The following RPRD2 variants were observed in gnomAD, a reference collection of about 807,000 sequenced individuals.
RPRD2 encodes the protein regulation of nuclear pre-mRNA domain containing 2, also known as regulation of nuclear pre-mRNA domain-containing protein 2.
RPRD2 carries 12 observed loss-of-function variants against 104.4 expected under a neutral mutation model. The observed-to-expected ratio is 0.11, with a 90% CI of 0.07 to 0.19. The LOEUF (loss-of-function observed/expected upper bound fraction) is 0.19, where lower values mean the gene tolerates loss of function less well. Among genes scored for constraint, RPRD2 ranks in the 10% least tolerant of loss-of-function variants. The pLI, the probability that RPRD2 is intolerant of heterozygous loss-of-function variation, is 1.00. For synonymous variants in RPRD2, 714 were observed against 684.9 expected (o/e 1.04, Z -0.66); for missense variants, 1,543 against 1,790.1 (o/e 0.86, Z 2.49).
At chr1:150,457,184 A>T in intron 7 of RPRD2, 104 bp from the exon 8 acceptor site, 1 of 1,092,592 alleles carries the variant, frequency 9.2e-7, no homozygotes, top group Non-Finnish European at 1.3e-6. Flanking sequence ...AGATTGTGCC[A>T]CTACACTCTA....
intron 1 of RPRD2, among the ~76,000 whole-genome samples, chr1:150,374,919 G>A (rs192558076): frequency 3.3e-5 from 5 of 151,882 alleles, no homozygotes; most frequent in South Asian, 2.1e-4. Flanking sequence ...CTTGGTTTAC[G>A]CTTAATGGCA....
chr1:150,433,439 A>ATTTTTTTT lies in RPRD2; in HGVS notation c.336-7468_336-7461dup, dbSNP rs58544799. 5.3e-4 allele frequency among the ~76,000 whole-genome samples: 48 copies of ATTTTTTTT among 90,386 alleles called. 3 individuals carry two copies. The highest frequency in any genetic ancestry group is 1.1e-3 in the African/African-American group (24 of 21,764). 59.3% of individuals were successfully genotyped at this position (90,386 alleles called of 152,430 possible). Reference sequence around the variant, plus strand: ...ATACACACACACACACACAGACATAATTTTTTTTTTTTTTTTTTTTTTTGA... The same window carrying ATTTTTTTT: ...ATACACACACACACACACAGACATAATTTTTTTTTTTTTTTTTTTTTTTTTTTTTTTGA... On this transcript the variant is annotated intron_variant, in intron 2 of 10. Coordinates refer to ENST00000369068, the MANE Select transcript of RPRD2 (RefSeq NM_015203.5).
Position 150,419,957 on chromosome 1 carries a change from CTG to C in RPRD2, c.335+2235_335+2236del, listed in dbSNP as rs149324318. Among the ~76,000 whole-genome samples the C allele has an allele frequency of 4.3e-3, 661 of 152,222 alleles. 5 individuals carry two copies. The highest frequency in any genetic ancestry group is 0.015 in the African/African-American group (624 of 41,556). ...TACCCTAATTTTAAGGAAGAAGAAA[CTG>C]TGGCTTGGAGAGATTAGGTAAATTG... is the stretch of plus-strand genomic sequence containing the variant. On this transcript the variant is annotated intron_variant, in intron 2 of 10. Coordinates refer to ENST00000369068, the MANE Select transcript of RPRD2 (RefSeq NM_015203.5).
intron 2 of RPRD2, among the ~76,000 whole-genome samples, chr1:150,418,077 C>G (rs1179785588): frequency 6.6e-6 from 1 of 152,082 alleles, no homozygotes; most frequent in Non-Finnish European, 1.5e-5. Flanking sequence ...AAGCAATTCT[C>G]TTGCCTCAGC....
intron 1 of RPRD2, among the ~76,000 whole-genome samples, chr1:150,389,308 G>A (rs898920531): frequency 1.3e-4 from 20 of 152,030 alleles, no homozygotes; most frequent in African/African-American, 4.1e-4. Flanking sequence ...CCTCGGCCTC[G>A]CAAAGTGCTG....
chr1:150,425,061 C>T (rs1362468809), intron 2 of RPRD2, among the ~76,000 whole-genome samples: 1 of 152,156 alleles, frequency 6.6e-6, no homozygotes, highest in Non-Finnish European at 1.5e-5. Flanking sequence ...TGAATTCTGG[C>T]TCTGTCACCT....
rs1339939927 is a variant in RPRD2 at position 150,374,184 on chromosome 1, TTTAA to T, written c.205+9273_205+9276del. ...TAAACTGAACACCAGTGGCCAGTGG[TTTAA>T]TTAATTATGCCTTCATAACGAAACT... On this transcript the variant is annotated intron_variant, in intron 1 of 10. Coordinates refer to ENST00000369068, the MANE Select transcript of RPRD2 (RefSeq NM_015203.5). Among the ~76,000 whole-genome samples the T allele has an allele frequency of 3.3e-5, 5 of 152,110 alleles. No homozygotes were observed. The East Asian group carries it at 9.6e-4, about 29-fold the overall frequency.
At chr1:150,398,185 A>T (rs587749205) in intron 1 of RPRD2, among the ~76,000 whole-genome samples, 3 of 42,622 alleles carry the variant, frequency 7.0e-5, no homozygotes, top group Non-Finnish European at 1.4e-4. Flanking sequence ...TTGTGTTTTT[A>T]TATTTATTTT....
intron 9 of RPRD2, among the ~76,000 whole-genome samples, chr1:150,462,724 T>C (rs1668020848): frequency 6.6e-6 from 1 of 151,992 alleles, no homozygotes; most frequent in Non-Finnish European, 1.5e-5. Context: ...CCCAGCTAAT[T>C]TTTTGTATTT....
rs771860223 is a variant in RPRD2, at chr1:150,474,336, TAAAG to T, written c.*1010_*1013del. 50 of 152,344 alleles carry T rather than the reference TAAAG, an allele frequency of 3.3e-4. No homozygotes were observed. The highest frequency in any genetic ancestry group is 9.1e-4 in the Admixed American group (14 of 15,308). 9.4% of individuals were successfully genotyped at this position (152,344 alleles called of 1,614,324 possible). A position where few individuals can be genotyped will look rare whatever the true frequency, so the allele number is the denominator to read the frequency against. The stretch of plus-strand genomic sequence containing the variant: ...GTGGTTTTCAACAAAGGTTAACTAT[TAAAG>T]AAAGAAATATTTGTCTTTATCTTCC... On this transcript the variant is annotated 3_prime_UTR_variant, in exon 11 of 11. Coordinates refer to ENST00000369068, the MANE Select transcript of RPRD2 (RefSeq NM_015203.5).
intron 7 of RPRD2, among the ~76,000 whole-genome samples, chr1:150,453,168 T>G (rs6687311): frequency 0.6 from 90,809 of 151,254 alleles, 27,774 homozygotes; most frequent in African/African-American, 0.65. Context: ...GAGTAGCTGG[T>G]ACTACAGGCG....
rs774595133 is a variant in RPRD2, at chr1:150,470,583, T to C, written c.1635T>C (p.Ser545=). 1.2e-6 allele frequency: 2 copies of C among 1,613,748 alleles called. No individual in the cohort carries two copies. Among genetic ancestry groups the C allele is most frequent in the African/African-American group, 2.7e-5 (2 of 74,914 alleles). Reference sequence around the variant, plus strand: ...CAGGCCTGTCATCTTTACTTCAGAGTGTTACTGGGAACCCAGTTCCAGCCA... The same window carrying C: ...CAGGCCTGTCATCTTTACTTCAGAGCGTTACTGGGAACCCAGTTCCAGCCA... ...ALQGLSSLLQ[S]VTGNPVPASE... The change falls in exon 11 of 11, where the codon AGT becomes AGC. Residue 545 remains serine, a synonymous_variant. Coordinates refer to ENST00000369068, the MANE Select transcript of RPRD2 (RefSeq NM_015203.5).
rs141090321 is a variant in RPRD2, at chr1:150,446,205, A to G, written c.695-21A>G. On this transcript the variant is annotated intron_variant, in intron 6 of 10. Transcript: ENST00000369068. ...TATTTTTTATTTTATCCTGAAATGAATATTTCCCATGTCATTTTAGATAAA... is the reference window on the plus strand; with the variant it reads ...TATTTTTTATTTTATCCTGAAATGAGTATTTCCCATGTCATTTTAGATAAA... 49 of 1,494,750 alleles carry G rather than the reference A, an allele frequency of 3.3e-5. No individual in the cohort carries two copies. The African/African-American group carries it at 5.4e-4, about 16-fold the overall frequency. The allele number at this position is 1,494,750 out of a possible 1,614,324, so 92.6% of individuals were successfully genotyped here. A position where few individuals can be genotyped will look rare whatever the true frequency, so the allele number is the denominator to read the frequency against.
rs1668793666 is a variant in RPRD2, at chr1:150,474,553, A to G, written c.*1219A>G. 6.6e-6 allele frequency: 1 copy of G among 152,204 alleles called. No individual in the cohort carries two copies. The highest frequency in any genetic ancestry group is 6.5e-5 in the Admixed American group (1 of 15,276). 9.4% of individuals were successfully genotyped at this position (152,204 alleles called of 1,614,324 possible). ...TGCCCTTAGTTGTTTTACATGCAAG[A>G]TAAGTGCTTTCCTTCTCCCTGGACT... is the stretch of plus-strand genomic sequence containing the variant. On this transcript the variant is annotated 3_prime_UTR_variant, in exon 11 of 11. Transcript: ENST00000369068.
chr1:150,474,675 T>C lies in RPRD2; in HGVS notation c.*1341T>C, dbSNP rs1247661286. On this transcript the variant is annotated 3_prime_UTR_variant, in exon 11 of 11. Transcript: ENST00000369068. ...CTTTATATCTAGGGACACTGAAAAG[T>C]AAATGTTGCTTTACTACAATTTTTT... 6.6e-6 allele frequency: 1 copy of C among 152,210 alleles called. No individual in the cohort carries two copies. The highest frequency in any genetic ancestry group is 1.5e-5 in the Non-Finnish European group (1 of 68,040). The allele number at this position is 152,210 out of a possible 1,614,324, so 9.4% of individuals were successfully genotyped here. A position where few individuals can be genotyped will look rare whatever the true frequency, so the allele number is the denominator to read the frequency against.
At chr1:150,434,527 T>C (rs1553892706) in intron 2 of RPRD2, among the ~76,000 whole-genome samples, 1 of 151,974 alleles carries the variant, frequency 6.6e-6, no homozygotes, top group Non-Finnish European at 1.5e-5. Context: ...TTAAAAGTAA[T>C]GTTTAGGGCT....
rs1174745825 is a variant in RPRD2, at chr1:150,364,469, A to G, written c.-246A>G. Among the ~76,000 whole-genome samples the G allele has an allele frequency of 2.0e-5, 3 of 151,882 alleles. No individual in the cohort carries two copies. Among genetic ancestry groups the G allele is most frequent in the Admixed American group, 6.6e-5 (1 of 15,238 alleles). ...GACTGGTTTAAACACGACCCCTTGA[A>G]CAATATTGATAAAACCTCCGAGACC... On this transcript the variant is annotated 5_prime_UTR_variant, in exon 1 of 11. Transcript: ENST00000369068.
chr1:150,364,874 C>A lies in RPRD2; in HGVS notation c.160C>A (p.His54Asn), dbSNP rs1659712890. 6.2e-7 allele frequency: 1 copy of A among 1,613,842 alleles called. No individual in the cohort carries two copies. Among genetic ancestry groups the A allele is most frequent in the Non-Finnish European group, 8.5e-7 (1 of 1,179,868 alleles). ...LSSWCIENKK[H>N]HSTIVYHWMK... The stretch of plus-strand genomic sequence containing the variant: ...GTCTTGGTGTATAGAGAACAAAAAA[C>A]ACCACAGTACTATCGTCTATCATTG... The change falls in exon 1 of 11, where the codon CAC becomes AAC. Residue 54 changes from histidine to asparagine, a missense_variant. Physicochemically the swap from His to Asn is moderately conservative, Grantham distance 68. Coordinates refer to ENST00000369068, the MANE Select transcript of RPRD2 (RefSeq NM_015203.5).
rs34596290 is a variant in RPRD2, at chr1:150,428,454, C to CAA, written c.335+10753_335+10754dup. ...TGGGTGATAGAGTGAGACTCTGTCT[C>CAA]AAAAAAAAAAAAAAAAAAAAAAAAA... On this transcript the variant is annotated intron_variant, in intron 2 of 10. Coordinates refer to ENST00000369068, the MANE Select transcript of RPRD2 (RefSeq NM_015203.5). Among the ~76,000 whole-genome samples, 144 of 71,018 alleles carry CAA rather than the reference C, an allele frequency of 2.0e-3. 2 individuals are homozygous for CAA. Among genetic ancestry groups the CAA allele is most frequent in the East Asian group, 0.012 (17 of 1,460 alleles). 46.6% of individuals were successfully genotyped at this position (71,018 alleles called of 152,430 possible). A position where few individuals can be genotyped will look rare whatever the true frequency, so the allele number is the denominator to read the frequency against.
Sources: gnomAD v4.1 joint callset for allele counts (sites outside exome capture counted in the v4.1 genomes callset) on GRCh38, gnomAD v4.1.1 for gene constraint, MANE v1.5 for transcripts, NCBI Gene and HGNC (gene_info 2026-07-23, HGNC 2026-07-21) for gene names.